Variants in LMX1A observed in about 807,000 individuals in gnomAD.
LMX1A encodes LIM homeobox transcription factor 1 alpha, also known as LIM homeobox transcription factor 1-alpha.
In LMX1A, 15 loss-of-function variants were observed where a neutral mutation model predicts 49.1. That is an observed-to-expected ratio of 0.31 (90% CI 0.20 to 0.47). The LOEUF is 0.47. Ranked by LOEUF, LMX1A falls within the 20% of genes least tolerant of loss-of-function variation. LMX1A has a pLI of 1.00. For synonymous variants in LMX1A, 167 were observed against 185.7 expected (o/e 0.90, Z 0.82); for missense variants, 372 against 475.8 (o/e 0.78, Z 2.03).
At chr1:165,301,415 C>T (rs760273399) in intron 3 of LMX1A, among the ~76,000 whole-genome samples, 3 of 152,138 alleles carry the variant, frequency 2.0e-5, no homozygotes, top group Non-Finnish European at 2.9e-5. Context: ...TTCTATAACA[C>T]ATTATGATTT....
intron 3 of LMX1A, among the ~76,000 whole-genome samples, chr1:165,253,246 A>G (rs1166464786): frequency 1.3e-5 from 2 of 152,226 alleles, no homozygotes; most frequent in African/African-American, 4.8e-5. Flanking sequence ...GAAACAGGAT[A>G]AAAGAACAAT....
At chr1:165,341,601 T>C (rs1656078684) in intron 3 of LMX1A, among the ~76,000 whole-genome samples, 1 of 151,026 alleles carries the variant, frequency 6.6e-6, no homozygotes, top group Admixed American at 6.6e-5. Flanking sequence ...TATATATATA[T>C]ATATATATAT....
At chr1:165,211,019 G>A (rs961070660) in intron 5 of LMX1A, 2 of 368,846 alleles carry the variant, frequency 5.4e-6, no homozygotes, top group Non-Finnish European at 9.7e-6. Flanking sequence ...CCCAAGAGGT[G>A]TTTCTGGATT....
intron 4 of LMX1A, chr1:165,219,093 T>A (rs1279225224): frequency 1.3e-5 from 2 of 152,088 alleles, no homozygotes; most frequent in Non-Finnish European, 2.9e-5. Context: ...AAAAAAAAAA[T>A]CTGGAATGGT....
At chr1:165,218,943 A>G (rs1020279096) in intron 4 of LMX1A, 2 of 152,234 alleles carry the variant, frequency 1.3e-5, no homozygotes, top group African/African-American at 4.8e-5. Context: ...GGCCGTTTAG[A>G]CACAAACGCA....
chr1:165,208,943 G>C (rs1651239295), intron 6 of LMX1A, among the ~76,000 whole-genome samples: 1 of 152,156 alleles, frequency 6.6e-6, no homozygotes, highest in Non-Finnish European at 1.5e-5. Context: ...CACCACGCCC[G>C]GCCCCCTGAA....
chr1:165,207,991 G>C (rs1317338459), intron 7 of LMX1A, 72 bp downstream of exon 7: 19 of 1,284,500 alleles, frequency 1.5e-5, no homozygotes, highest in Non-Finnish European at 1.8e-5. Context: ...CAAAGAGCTG[G>C]GTAGTGGGAG....
chr1:165,269,366 T>C (rs72702435), intron 3 of LMX1A, among the ~76,000 whole-genome samples: 316 of 152,328 alleles, frequency 2.1e-3, no homozygotes, highest in Middle Eastern at 0.01. Context: ...CACCAAAAGA[T>C]ACCAGAATTT....
At chr1:165,242,917 G>A (rs554573038) in intron 4 of LMX1A, among the ~76,000 whole-genome samples, 2 of 107,268 alleles carry the variant, frequency 1.9e-5, no homozygotes, top group African/African-American at 3.8e-5. Flanking sequence ...ACAACAGAGC[G>A]AAACTCCACC....
At chr1:165,290,442 G>A (rs562301638) in intron 3 of LMX1A, among the ~76,000 whole-genome samples, 3 of 67,262 alleles carry the variant, frequency 4.5e-5, no homozygotes, top group South Asian at 2.9e-4. Flanking sequence ...CATTGCCTTC[G>A]TGTGTGTGTG....
chr1:165,277,924 G>A (rs569658178), intron 3 of LMX1A, among the ~76,000 whole-genome samples: 138 of 152,298 alleles, frequency 9.1e-4, no homozygotes, highest in African/African-American at 3.1e-3. Context: ...AAATTATATG[G>A]CTTTAAGTGT....
At chr1:165,247,054 C>CTT (rs71097567) in intron 4 of LMX1A, among the ~76,000 whole-genome samples, 3,011 of 53,098 alleles carry the variant, frequency 0.057, 752 homozygotes, top group Middle Eastern at 0.11. Flanking sequence ...TCAGCTTTTT[C>CTT]TTTTTTTTTT....
intron 3 of LMX1A, among the ~76,000 whole-genome samples, chr1:165,323,156 TAAAATGAGTAGTC>T (rs1352432249): frequency 6.6e-6 from 1 of 152,182 alleles, no homozygotes; most frequent in Non-Finnish European, 1.5e-5. Context: ...TCTTTACGTG[TAAAATGAGTAGTC>T]AAATTTCAAT....
chr1:165,245,136 G>C (rs1652796590), intron 4 of LMX1A, among the ~76,000 whole-genome samples: 1 of 151,972 alleles, frequency 6.6e-6, no homozygotes. Flanking sequence ...GCATGTGCAG[G>C]TTTTTTACAT....
chr1:165,215,050 G>A (rs895082608), intron 4 of LMX1A, among the ~76,000 whole-genome samples: 8 of 152,002 alleles, frequency 5.3e-5, no homozygotes, highest in African/African-American at 1.9e-4. Context: ...GGGTGTGGTG[G>A]CTCAAGCCTA....
chr1:165,222,970 G>T (rs1270394417), intron 4 of LMX1A, among the ~76,000 whole-genome samples: 1 of 152,218 alleles, frequency 6.6e-6, no homozygotes, highest in Non-Finnish European at 1.5e-5. Context: ...GGACTGGGAG[G>T]AGGTTTGGGA....
rs966948767 is a variant in LMX1A, at chr1:165,355,690, A to C, written c.-22-109T>G. The stretch of plus-strand genomic sequence containing the variant: ...CTGAGGGAGTGTCCAGGGCGACCAG[A>C]ATCAGCCAGGAGGATAGGGTCCAGC... On this transcript the variant is annotated intron_variant, in intron 1 of 8. Transcript: ENST00000342310. This position sits in a 1 kb window ranked among gnomAD's most constrained non-coding sequence, Gnocchi z 4.7. 2.6e-6 allele frequency: 2 copies of C among 779,894 alleles called. No homozygotes were observed. Among genetic ancestry groups the C allele is most frequent in the Non-Finnish European group, 4.3e-6 (2 of 466,992 alleles). 48.3% of individuals were successfully genotyped at this position (779,894 alleles called of 1,614,324 possible). A position where few individuals can be genotyped will look rare whatever the true frequency, so the allele number is the denominator to read the frequency against.
intron 3 of LMX1A, among the ~76,000 whole-genome samples, chr1:165,311,536 T>C (rs1329742174): frequency 6.6e-6 from 1 of 152,198 alleles, no homozygotes; most frequent in African/African-American, 2.4e-5. Flanking sequence ...CTCATGCCCC[T>C]GAAGCTACTG....
intron 3 of LMX1A, among the ~76,000 whole-genome samples, chr1:165,294,913 G>GTGAGCCT (rs1654574321): frequency 6.6e-6 from 1 of 152,058 alleles, no homozygotes; most frequent in Non-Finnish European, 1.5e-5. Flanking sequence ...GCAATGAGCC[G>GTGAGCCT]AGATCACGCC....
Sources: allele counts gnomAD v4.1 joint callset (sites outside exome capture counted in the v4.1 genomes callset), GRCh38; gene constraint gnomAD v4.1.1; non-coding constraint Gnocchi (gnomAD v3.1); transcripts MANE v1.5; gene names NCBI Gene and HGNC (gene_info 2026-07-23, HGNC 2026-07-21).